TMEM278: variants seen among roughly 807,000 people sequenced by gnomAD.
TMEM278 encodes the protein transmembrane protein 88B.
At chr1:1,426,026 G>A in the TMEM278 span, 2 of 1,265,856 alleles carry the variant, frequency 1.6e-6, no homozygotes, top group Non-Finnish European at 2.0e-6. Flanking sequence ...GATGTGGACT[G>A]GCTGCAACGT....
the TMEM278 span, among the ~76,000 whole-genome samples, chr1:1,427,223 G>A: frequency 2.8e-5 from 3 of 106,968 alleles, no homozygotes; most frequent in African/African-American, 1.1e-4. Flanking sequence ...CCTCCACCCC[G>A]CTCTCTCTCC....
the TMEM278 span, among the ~76,000 whole-genome samples, chr1:1,430,094 G>A: frequency 6.6e-6 from 1 of 152,196 alleles, no homozygotes; most frequent in Non-Finnish European, 1.5e-5. Flanking sequence ...CTAGGCACAA[G>A]CAATCCTCTC....
the TMEM278 span, chr1:1,425,981 G>T: frequency 8.1e-7 from 1 of 1,240,432 alleles, no homozygotes. Context: ...ATCAGGGCAG[G>T]ACCTCCCTAG....
chr1:1,427,650 C>T, the TMEM278 span: 35 of 1,346,242 alleles, frequency 2.6e-5, no homozygotes, highest in Admixed American at 6.2e-4. Flanking sequence ...GCCGCCGCTG[C>T]TGGTGCTCGC....
At chr1:1,428,210 C>T in the TMEM278 span, among the ~76,000 whole-genome samples, 1 of 149,160 alleles carries the variant, frequency 6.7e-6, no homozygotes, top group African/African-American at 2.5e-5. Context: ...AAGGGCAGGG[C>T]AGGGCAGAGC....
At chr1:1,428,988 A>C in the TMEM278 span, among the ~76,000 whole-genome samples, 1 of 122,154 alleles carries the variant, frequency 8.2e-6, no homozygotes, top group African/African-American at 3.4e-5. Context: ...CGAAAGAGCG[A>C]GGCTCCGTCT....
the TMEM278 span, among the ~76,000 whole-genome samples, chr1:1,429,669 CTA>C: frequency 1.3e-5 from 2 of 152,196 alleles, no homozygotes; most frequent in Admixed American, 6.5e-5. Context: ...CCTCCAGAGA[CTA>C]TTCCCCTTTT....
the TMEM278 span, among the ~76,000 whole-genome samples, chr1:1,428,869 G>A: frequency 2.6e-5 from 4 of 151,980 alleles, no homozygotes; most frequent in African/African-American, 7.3e-5. Flanking sequence ...GCTTGGTGGC[G>A]GGCACCTGTA....
At chr1:1,427,989 G>C in the TMEM278 span, among the ~76,000 whole-genome samples, 4 of 136,576 alleles carry the variant, frequency 2.9e-5, no homozygotes, top group East Asian at 2.2e-4. Context: ...GAGGGGAGGG[G>C]AGGGGAAGAG....
the TMEM278 span, chr1:1,426,339 T>C: frequency 3.4e-6 from 5 of 1,450,326 alleles, no homozygotes; most frequent in African/African-American, 5.9e-5. Context: ...CTGGTGCTCC[T>C]GCCCGCGGCC....
chr1:1,428,702 T>C, the TMEM278 span, among the ~76,000 whole-genome samples: 1 of 152,184 alleles, frequency 6.6e-6, no homozygotes, highest in Non-Finnish European at 1.5e-5. Flanking sequence ...TCTTAAATTA[T>C]TATGTTAACA....
chr1:1,426,880 G>A, the TMEM278 span, among the ~76,000 whole-genome samples: 2 of 151,942 alleles, frequency 1.3e-5, no homozygotes, highest in Non-Finnish European at 2.9e-5. Flanking sequence ...GCGCAGGAGG[G>A]CAGAAGCGGG....
chr1:1,428,427 G>C, the TMEM278 span, among the ~76,000 whole-genome samples: 1,542 of 152,182 alleles, frequency 0.01, 20 homozygotes, highest in African/African-American at 0.035. Flanking sequence ...CGCCAGCCTC[G>C]GTCGGCTCTC....
chr1:1,428,481 G>C, the TMEM278 span, among the ~76,000 whole-genome samples: 1 of 152,088 alleles, frequency 6.6e-6, no homozygotes, highest in Non-Finnish European at 1.5e-5. Context: ...GGTGTTCCTT[G>C]GTCTCACCAG....
At chr1:1,426,381 C>T in the TMEM278 span, 4 of 1,403,828 alleles carry the variant, frequency 2.8e-6, no homozygotes, top group Admixed American at 3.0e-5. Flanking sequence ...CTGTGCCACT[C>T]GAGGGTGAGC....
At chr1:1,426,038 G>T in the TMEM278 span, 16 of 1,268,290 alleles carry the variant, frequency 1.3e-5, no homozygotes, top group Non-Finnish European at 1.6e-5. Context: ...CTGCAACGTG[G>T]GGCGGGGTTA....
the TMEM278 span, among the ~76,000 whole-genome samples, chr1:1,428,433 C>T: frequency 3.6e-4 from 55 of 152,224 alleles, no homozygotes; most frequent in African/African-American, 1.2e-3. Context: ...CCTCGGTCGG[C>T]TCTCTCCGGG....
chr1:1,426,110 G>C, the TMEM278 span: 1 of 1,383,918 alleles, frequency 7.2e-7, no homozygotes, highest in Non-Finnish European at 9.4e-7. Context: ...CGGGCCACAG[G>C]CCTGCAGTGG....
At chr1:1,429,283 G>A in the TMEM278 span, among the ~76,000 whole-genome samples, 3 of 152,070 alleles carry the variant, frequency 2.0e-5, no homozygotes, top group African/African-American at 4.8e-5. Flanking sequence ...TGGAGGCAGA[G>A]GTTGGAGTGA....
Sources: allele counts gnomAD v4.1 joint callset (sites outside exome capture counted in the v4.1 genomes callset), GRCh38; gene constraint gnomAD v4.1.1; transcripts MANE v1.5; gene names NCBI Gene and HGNC (gene_info 2026-07-23, HGNC 2026-07-21).